SLC44A2: variants seen among roughly 807,000 people sequenced by gnomAD.
SLC44A2 encodes the protein solute carrier family 44 member 2 (CTL2 blood group).
Under a neutral mutation model 90.8 loss-of-function variants are expected in SLC44A2, and 57 were observed. That is an observed-to-expected ratio of 0.63 (90% CI 0.51 to 0.78). The LOEUF is 0.78. SLC44A2 is among the 30% of genes least tolerant of loss of function. SLC44A2 has a pLI of 0.00. For synonymous variants in SLC44A2, 355 were observed against 360.7 expected, an observed-to-expected ratio of 0.98 and a Z score of 0.18; for missense variants, 794 against 919.7, an observed-to-expected ratio of 0.86 and a Z score of 1.77.
intron 4 of SLC44A2, among the ~76,000 whole-genome samples, 185 bp downstream of exon 4, chr19:10,628,189 A>G (rs528227013): frequency 6.6e-6 from 1 of 152,330 alleles, no homozygotes; most frequent in African/African-American, 2.4e-5. Flanking sequence ...GTTCGAGACC[A>G]GCCTGGCCAA....
chr19:10,637,938 T>A lies in SLC44A2; in HGVS notation c.1769+9T>A. 1 of 1,614,074 alleles carries A rather than the reference T, an allele frequency of 6.2e-7. No individual in the cohort carries two copies. Among genetic ancestry groups the A allele is most frequent in the Non-Finnish European group, 8.5e-7 (1 of 1,179,992 alleles). ...ATGAGAAACATCATCAGGTCGGGAA[T>A]CATTATCATCTTCCTCCTGCCACCC... On this transcript the variant is annotated intron_variant, in intron 18 of 21. Transcript: ENST00000335757.
chr19:10,606,074 G>A (rs893941079), intron 1 of SLC44A2, among the ~76,000 whole-genome samples: 11 of 152,066 alleles, frequency 7.2e-5, no homozygotes, highest in African/African-American at 2.2e-4. Flanking sequence ...CAGGTGGGAG[G>A]ATCGCTTGAG....
At chr19:10,619,988 A>G (rs1369123427) in intron 1 of SLC44A2, among the ~76,000 whole-genome samples, 1 of 152,048 alleles carries the variant, frequency 6.6e-6, no homozygotes, top group Non-Finnish European at 1.5e-5. Flanking sequence ...CCTGGGCAAC[A>G]TGGTGAAATC....
intron 1 of SLC44A2, among the ~76,000 whole-genome samples, chr19:10,609,141 A>T (rs547965457): frequency 6.6e-6 from 1 of 151,780 alleles, no homozygotes; most frequent in East Asian, 1.9e-4. Flanking sequence ...TATTTTTGGT[A>T]GAGACGGGGT....
At chr19:10,642,982 T>C (rs775885907) in intron 21 of SLC44A2, 12 of 1,566,826 alleles carry the variant, frequency 7.7e-6, no homozygotes, top group East Asian at 2.3e-5. Flanking sequence ...TGAAGGGGAG[T>C]GCGGAGGAGG....
rs143126713 is a variant in SLC44A2 at position 10,627,950 on chromosome 19, T to G, written c.191T>G (p.Ile64Ser). Residue 64 changes from isoleucine to serine, a missense_variant, in exon 4 of 22, where the codon ATC (isoleucine) becomes AGC (serine). By Grantham distance (142) the Ile-to-Ser change is moderately radical (BLOSUM62 -2). This residue lies in a region of SLC44A2 where 738 missense variants were observed against 841.1 expected (regional missense o/e 0.88). Transcript: ENST00000335757. ...AWTHGDPRKV[I>S]YPTDSRGEFC... ...ACTCATGGAGACCCTCGAAAGGTGA[T>G]CTACCCCACTGACAGCCGGGGCGAG... is the stretch of plus-strand genomic sequence containing the variant. 1.9e-6 allele frequency: 3 copies of G among 1,613,954 alleles called. No individual in the cohort carries two copies. Among genetic ancestry groups the G allele is most frequent in the Non-Finnish European group, 2.5e-6 (3 of 1,179,980 alleles).
intron 1 of SLC44A2, 125 bp from the exon 2 acceptor site, chr19:10,626,128 C>T (rs748743476): frequency 1.1e-5 from 9 of 797,436 alleles, no homozygotes; most frequent in Non-Finnish European, 1.7e-5. Flanking sequence ...GAAAATTCCA[C>T]AGGTCTCTGA....
In SLC44A2 at chr19:10,625,690, C is replaced by T. The variant is rs1024925500; in HGVS notation, c.37+20C>T. On this transcript the variant is annotated intron_variant, in intron 1 of 21. Coordinates refer to ENST00000335757, the MANE Select transcript of SLC44A2 (RefSeq NM_020428.4). ...AACACGGTAGGCAGCGACCCCCGCC[C>T]GTAGCCCCGGGCCGACCCCTCGGTC... 41 of 1,248,620 alleles carry T rather than the reference C, an allele frequency of 3.3e-5. No homozygotes were observed. Among genetic ancestry groups the T allele is most frequent in the South Asian group, 3.0e-4 (8 of 26,252 alleles). The allele number at this position is 1,248,620 out of a possible 1,614,324, so 77.3% of individuals were successfully genotyped here. A position where few individuals can be genotyped will look rare whatever the true frequency, so the allele number is the denominator to read the frequency against.
upstream of SLC44A2, among the ~76,000 whole-genome samples, chr19:10,624,850 T>G (rs531197295): frequency 1.2e-4 from 18 of 152,274 alleles, no homozygotes; most frequent in Admixed American, 1.2e-3. Flanking sequence ...ATACTTGTTC[T>G]AAGACCAGGC....
In SLC44A2 at chr19:10,634,806, T is replaced by G. The variant is rs902543104; in HGVS notation, c.874T>G (p.Ser292Ala). 1.4e-5 allele frequency: 22 copies of G among 1,614,078 alleles called. No homozygotes were observed. Among genetic ancestry groups the G allele is most frequent in the Non-Finnish European group, 1.9e-5 (22 of 1,180,058 alleles). ...EYSRLRGEAG[S>A]DVSLVDLGFQ... ...CTCCCGACTGCGTGGTGAGGCCGGC[T>G]CTGATGTCTCTTTGGTGGACCTCGG... Residue 292 changes from serine (S) to alanine (A), a missense_variant, in exon 11 of 22, where the codon TCT becomes GCT. Transcript: ENST00000335757.
chr19:10,617,586 T>G (rs547574953), intron 1 of SLC44A2, among the ~76,000 whole-genome samples: 1 of 152,144 alleles, frequency 6.6e-6, no homozygotes, highest in Non-Finnish European at 1.5e-5. Context: ...CAGCTGAGAC[T>G]CCCTCATGTG....
chr19:10,620,810 G>C (rs1212874908), upstream of SLC44A2, among the ~76,000 whole-genome samples: 4 of 151,804 alleles, frequency 2.6e-5, no homozygotes, highest in African/African-American at 7.3e-5. Flanking sequence ...TGGGAGGAAG[G>C]CTTGAGCCCA....
intron 2 of SLC44A2, among the ~76,000 whole-genome samples, chr19:10,627,408 G>C (rs752897868): frequency 1.3e-5 from 2 of 151,952 alleles, no homozygotes; most frequent in Non-Finnish European, 1.5e-5. Context: ...ATGTGTGGTG[G>C]TGTGCACCTG....
intron 4 of SLC44A2, among the ~76,000 whole-genome samples, chr19:10,630,079 A>G (rs1455274492): frequency 6.6e-6 from 1 of 152,080 alleles, no homozygotes; most frequent in Non-Finnish European, 1.5e-5. Flanking sequence ...AAAGGAAACA[A>G]TAGGCCGGGC....
intron 10 of SLC44A2, among the ~76,000 whole-genome samples, chr19:10,632,919 G>A (rs922046195): frequency 7.2e-5 from 11 of 151,880 alleles, no homozygotes; most frequent in Non-Finnish European, 1.6e-4. Flanking sequence ...AGATCTGCCC[G>A]CTTCAGCCTC....
chr19:10,635,569 A>G, intron 14 of SLC44A2, 54 bp downstream of exon 14: 1 of 1,487,136 alleles, frequency 6.7e-7, no homozygotes, highest in Middle Eastern at 1.7e-4. Context: ...GCCCCAGATG[A>G]TTTGAAACCT....
At chr19:10,606,681 T>G (rs1031788390) in intron 1 of SLC44A2, among the ~76,000 whole-genome samples, 7 of 150,958 alleles carry the variant, frequency 4.6e-5, no homozygotes, top group Admixed American at 2.0e-4. Flanking sequence ...AATAGTGACG[T>G]GCACCTGTAG....
chr19:10,627,165 A>G (rs552801380), intron 2 of SLC44A2, among the ~76,000 whole-genome samples: 15 of 151,704 alleles, frequency 9.9e-5, no homozygotes, highest in Admixed American at 3.9e-4. Flanking sequence ...TACTAAAAAT[A>G]CAAGAATTAG....
At chr19:10,628,046 G>C (rs2066953445) in intron 4 of SLC44A2, 42 bp downstream of exon 4, 1 of 1,540,194 alleles carries the variant, frequency 6.5e-7, no homozygotes, top group African/African-American at 1.4e-5. Flanking sequence ...GGGGAAGAGG[G>C]GGCAGAAGAT....
Sources: gnomAD v4.1 joint callset for allele counts (sites outside exome capture counted in the v4.1 genomes callset) on GRCh38, gnomAD v4.1.1 for gene constraint, gnomAD v4.1.1 regional missense constraint, MANE v1.5 for transcripts, NCBI Gene and HGNC (gene_info 2026-07-23, HGNC 2026-07-21) for gene names.